Variants in GOLM1 observed in about 807,000 individuals in gnomAD.
GOLM1 encodes golgi membrane protein 1.
Under a neutral mutation model 50.5 loss-of-function variants are expected in GOLM1, and 31 were observed. The observed-to-expected ratio is 0.61, with a 90% confidence interval of 0.46 to 0.83. The LOEUF (loss-of-function observed/expected upper bound fraction) is 0.83. Among genes scored for constraint, GOLM1 ranks in the 40% least tolerant of loss-of-function variants. The pLI is 0.00. For missense variants in GOLM1, 491 were observed against 501.3 expected, an observed-to-expected ratio of 0.98 and a Z score of 0.20; for synonymous variants, 178 against 192.8, an observed-to-expected ratio of 0.92 and a Z score of 0.64.
intron 5 of GOLM1, among the ~76,000 whole-genome samples, chr9:86,045,111 G>A (rs191356361): frequency 9.9e-5 from 15 of 151,852 alleles, no homozygotes; most frequent in African/African-American, 2.7e-4. Flanking sequence ...TGACTCATGC[G>A]TGTAATCCCA....
At chr9:86,099,337 G>C (rs1358608151) in intron 1 of GOLM1, 74 bp downstream of exon 1, 3 of 151,856 alleles carry the variant, frequency 2.0e-5, no homozygotes, top group South Asian at 2.1e-4. Context: ...CGCGGGGTAC[G>C]GGCCCTGGGC....
intron 3 of GOLM1, among the ~76,000 whole-genome samples, chr9:86,063,756 A>T (rs1046036329): frequency 2.0e-5 from 3 of 152,162 alleles, no homozygotes; most frequent in African/African-American, 7.2e-5. Flanking sequence ...CAACAGCAAA[A>T]CCCAAAGCCT....
At chr9:86,048,860 G>A (rs1383118231) in intron 4 of GOLM1, among the ~76,000 whole-genome samples, 1 of 152,158 alleles carries the variant, frequency 6.6e-6, no homozygotes, top group Non-Finnish European at 1.5e-5. Context: ...CTTTTGCTGT[G>A]CAGAAGCTCT....
chr9:86,094,711 C>T (rs1299866701), intron 1 of GOLM1, among the ~76,000 whole-genome samples: 1 of 152,142 alleles, frequency 6.6e-6, no homozygotes, highest in Non-Finnish European at 1.5e-5. Flanking sequence ...AGGAGGATCA[C>T]TTGAGCCCAG....
rs989457700 is a variant in GOLM1 at position 86,027,164 on chromosome 9, G to A, written c.*653C>T. 38 of 985,230 alleles carry A rather than the reference G, an allele frequency of 3.9e-5. No homozygotes were observed. The highest frequency in any genetic ancestry group is 8.7e-5 in the African/African-American group (5 of 57,222). 61.0% of individuals were successfully genotyped at this position (985,230 alleles called of 1,614,324 possible). On this transcript the variant is annotated 3_prime_UTR_variant, in exon 10 of 10. Coordinates refer to ENST00000388712, the MANE Select transcript of GOLM1 (RefSeq NM_016548.4). ...TTCAAATTCTAAGCCACTTAATAGC[G>A]TTTTGTACATTAAAAATGACAAGGG...
intron 1 of GOLM1, among the ~76,000 whole-genome samples, chr9:86,087,986 A>G: frequency 6.6e-6 from 1 of 151,946 alleles, no homozygotes; most frequent in Non-Finnish European, 1.5e-5. Context: ...CTCTTTTTCT[A>G]TTGTTTGGAA....
intron 1 of GOLM1, among the ~76,000 whole-genome samples, chr9:86,084,019 T>A (rs992929546): frequency 1.3e-5 from 2 of 152,154 alleles, no homozygotes; most frequent in Non-Finnish European, 2.9e-5. Flanking sequence ...ACATAATATA[T>A]AATAAATGCC....
intron 3 of GOLM1, among the ~76,000 whole-genome samples, chr9:86,058,073 GTTAATC>G (rs1178125348): frequency 1.3e-5 from 2 of 152,270 alleles, no homozygotes; most frequent in African/African-American, 4.8e-5. Context: ...GAATGAAAAA[GTTAATC>G]TTAGTAACCT....
At chr9:86,038,200 A>G (rs189684254) in intron 6 of GOLM1, among the ~76,000 whole-genome samples, 100 of 152,132 alleles carry the variant, frequency 6.6e-4, no homozygotes, top group Non-Finnish European at 8.7e-4. Flanking sequence ...TGCCCCAGTC[A>G]TAAGGGACTC....
intron 3 of GOLM1, among the ~76,000 whole-genome samples, chr9:86,054,909 GT>G (rs1259817383): frequency 1.3e-5 from 2 of 152,174 alleles, no homozygotes; most frequent in Non-Finnish European, 2.9e-5. Context: ...CATCCACAAA[GT>G]TTGCAAATAA....
intron 3 of GOLM1, among the ~76,000 whole-genome samples, chr9:86,068,836 T>C (rs1422818029): frequency 6.6e-6 from 1 of 152,208 alleles, no homozygotes; most frequent in African/African-American, 2.4e-5. Context: ...CCCAACTGGG[T>C]ATCAGGGAAG....
chr9:86,073,166 A>G (rs1318892717), intron 3 of GOLM1, among the ~76,000 whole-genome samples: 1 of 152,000 alleles, frequency 6.6e-6, no homozygotes, highest in African/African-American at 2.4e-5. Context: ...AAAACACTTG[A>G]TCTCAATCAC....
At chr9:86,094,052 A>T (rs1464217759) in intron 1 of GOLM1, among the ~76,000 whole-genome samples, 1 of 152,208 alleles carries the variant, frequency 6.6e-6, no homozygotes, top group African/African-American at 2.4e-5. Flanking sequence ...GGAGTCCGGG[A>T]AAGAATCAGT....
At chr9:86,063,440 G>GT (rs1269032842) in intron 3 of GOLM1, among the ~76,000 whole-genome samples, 14 of 152,158 alleles carry the variant, frequency 9.2e-5, no homozygotes, top group African/African-American at 3.4e-4. Flanking sequence ...CTGCAGACAG[G>GT]TAAAAAGGCG....
intron 5 of GOLM1, among the ~76,000 whole-genome samples, chr9:86,043,188 C>T (rs189579855): frequency 2.4e-4 from 36 of 152,262 alleles, no homozygotes; most frequent in African/African-American, 7.0e-4. Flanking sequence ...GCGAGCGGTT[C>T]ATCTCATGTG....
In GOLM1 at chr9:86,026,245, T is replaced by A; in HGVS notation, c.*1572A>T. On this transcript the variant is annotated 3_prime_UTR_variant, in exon 10 of 10. Transcript: ENST00000388712. ...TTGAGAAAGCAAGAGAAAATTCCTA[T>A]CAACCCCAAGGAGGACTCAAAGTGA... is the stretch of plus-strand genomic sequence containing the variant. The A allele has an allele frequency of 1.0e-6, 1 of 984,746 alleles. No individual in the cohort carries two copies. The highest frequency in any genetic ancestry group is 1.2e-6 in the Non-Finnish European group (1 of 829,426). 61.0% of individuals were successfully genotyped at this position (984,746 alleles called of 1,614,324 possible). A position where few individuals can be genotyped will look rare whatever the true frequency, so the allele number is the denominator to read the frequency against.
intron 5 of GOLM1, among the ~76,000 whole-genome samples, chr9:86,045,276 G>C (rs1232422398): frequency 6.6e-6 from 1 of 151,858 alleles, no homozygotes; most frequent in Non-Finnish European, 1.5e-5. Context: ...GCTTGAACCT[G>C]GGAGGCAGAG....
intron 5 of GOLM1, among the ~76,000 whole-genome samples, chr9:86,042,402 A>G (rs1249002001): frequency 1.3e-5 from 2 of 151,730 alleles, no homozygotes; most frequent in Non-Finnish European, 2.9e-5. Flanking sequence ...AGTTGCAGGC[A>G]TTTCAGAGCC....
At chr9:86,053,583 ACACCACAC>A (rs1833867160) in intron 3 of GOLM1, among the ~76,000 whole-genome samples, 2 of 3,430 alleles carry the variant, frequency 5.8e-4, no homozygotes, top group Non-Finnish European at 1.2e-3. Context: ...CACACACCAC[ACACCACAC>A]CACTCCACAC....
Sources: allele counts gnomAD v4.1 joint callset (sites outside exome capture counted in the v4.1 genomes callset), GRCh38; gene constraint gnomAD v4.1.1; transcripts MANE v1.5; gene names NCBI Gene and HGNC (gene_info 2026-07-23, HGNC 2026-07-21).